The following PAX2 variants were observed in gnomAD, a reference collection of about 807,000 sequenced individuals.
PAX2 encodes paired box protein Pax-2.
A neutral mutation model predicts 41.7 loss-of-function variants in PAX2; 9 were observed. That is an observed-to-expected ratio of 0.22 (90% CI 0.13 to 0.38). PAX2 has a LOEUF of 0.38. Ranked by LOEUF, PAX2 falls within the 10% of genes least tolerant of loss-of-function variation. PAX2 has a pLI of 1.00. For missense variants in PAX2, 418 were observed against 531.6 expected, an observed-to-expected ratio of 0.79 and a Z score of 2.10; for synonymous variants, 221 against 212.7, an observed-to-expected ratio of 1.04 and a Z score of -0.34.
chr10:100,754,918 G>A lies in PAX2; in HGVS notation c.410+4027G>A, dbSNP rs1054983522. Among the ~76,000 whole-genome samples, 5 of 152,170 alleles carry A rather than the reference G, an allele frequency of 3.3e-5. No individual in the cohort carries two copies. In the East Asian group the frequency reaches 5.8e-4, roughly 18 times the overall value. On this transcript the variant is annotated intron_variant, in intron 3 of 9. Coordinates refer to ENST00000355243, the MANE Select transcript of PAX2 (RefSeq NM_000278.5). The stretch of plus-strand genomic sequence containing the variant: ...TGTTGGTCTCATGGCAAAGAGACAG[G>A]GCAAGTTGGAGAGTTCAGAAAAAGA...
intron 5 of PAX2, among the ~76,000 whole-genome samples, chr10:100,787,569 T>C (rs10883542): frequency 0.3 from 45,132 of 151,808 alleles, 8,701 homozygotes; most frequent in African/African-American, 0.54. Flanking sequence ...CCATGAATCT[T>C]CCTCACTGCT....
intron 1 of PAX2, among the ~76,000 whole-genome samples, chr10:100,739,777 C>G (rs1274474530): frequency 2.0e-5 from 3 of 152,218 alleles, no homozygotes; most frequent in East Asian, 3.9e-4. Flanking sequence ...CAGCCTGCAC[C>G]GTCTCCCTCG....
Position 100,748,309 on chromosome 10 carries a change from G to T in PAX2, c.44-1437G>T, listed in dbSNP as rs1019594882. On this transcript the variant is annotated intron_variant, in intron 1 of 9. Coordinates refer to ENST00000355243, the MANE Select transcript of PAX2 (RefSeq NM_000278.5). This position sits in a 1 kb window ranked among gnomAD's most constrained non-coding sequence, Gnocchi z 5.0. ...GAGGGAGGGGAGGGTGAGAAGTGGG[G>T]CTAGAGATAGGGAGATTAACGGGGT... 1 of 984,698 alleles carries T rather than the reference G, an allele frequency of 1.0e-6. No individual in the cohort carries two copies. The highest frequency in any genetic ancestry group is 1.2e-6 in the Non-Finnish European group (1 of 829,520). The allele number at this position is 984,698 out of a possible 1,614,324, so 61.0% of individuals were successfully genotyped here.
At position 100,781,290 on chromosome 10, in the gene PAX2, C is replaced by G; in HGVS notation, c.541C>G (p.Pro181Ala). The G allele has an allele frequency of 6.2e-7, 1 of 1,613,278 alleles. No homozygotes were observed. Among genetic ancestry groups the G allele is most frequent in the South Asian group, 1.1e-5 (1 of 91,058 alleles). ...SPPVSSASND[P>A]VGSYSINGIL... is the part of the protein sequence containing the mutation. The stretch of plus-strand genomic sequence containing the variant: ...TCCTGTTTCCAGCGCCTCCAATGAC[C>G]CAGTGGGATCCTACTCCATCAATGG... The change falls in exon 5 of 10, where the codon CCA (proline) becomes GCA (alanine). Residue 181 changes from proline (P) to alanine (A), a missense_variant. Physicochemically the swap from Pro to Ala is conservative, Grantham distance 27. Coordinates refer to ENST00000355243, the MANE Select transcript of PAX2 (RefSeq NM_000278.5).
chr10:100,796,697 T>C (rs1847351435), intron 5 of PAX2, among the ~76,000 whole-genome samples: 1 of 152,198 alleles, frequency 6.6e-6, no homozygotes, highest in South Asian at 2.1e-4. Flanking sequence ...CTTTCTTCAG[T>C]TCAGATTCTG....
At chr10:100,735,817 C>G in intron 1 of PAX2, 1 of 898,436 alleles carries the variant, frequency 1.1e-6, no homozygotes, top group Non-Finnish European at 1.4e-6. Context: ...GCGGGCTCCT[C>G]TCCTCTTTCA....
At chr10:100,760,138 A>G (rs1255167362) in intron 3 of PAX2, among the ~76,000 whole-genome samples, 1 of 152,090 alleles carries the variant, frequency 6.6e-6, no homozygotes, top group Non-Finnish European at 1.5e-5. Context: ...CTTTGGAAAG[A>G]CTATGTGTGC....
At chr10:100,737,542 G>C (rs960912993) in intron 1 of PAX2, among the ~76,000 whole-genome samples, 2 of 150,278 alleles carry the variant, frequency 1.3e-5, no homozygotes, top group Non-Finnish European at 2.9e-5. Context: ...CGGGAAAGGC[G>C]GGGGGGAGCT....
At chr10:100,755,118 G>T (rs1845583149) in intron 3 of PAX2, among the ~76,000 whole-genome samples, 1 of 152,194 alleles carries the variant, frequency 6.6e-6, no homozygotes, top group Non-Finnish European at 1.5e-5. Flanking sequence ...CCCATCATTG[G>T]AATAACATTT....
chr10:100,762,021 T>A (rs1390196154), intron 3 of PAX2, among the ~76,000 whole-genome samples: 2 of 152,022 alleles, frequency 1.3e-5, no homozygotes, highest in Non-Finnish European at 2.9e-5. Context: ...ACAAGCCTCC[T>A]CTGAAGCTAT....
chr10:100,738,476 C>A (rs574878758), intron 1 of PAX2, among the ~76,000 whole-genome samples: 2 of 152,288 alleles, frequency 1.3e-5, no homozygotes, highest in Non-Finnish European at 2.9e-5. Context: ...CTTCGCCACC[C>A]CCTGGCACTT....
At chr10:100,805,776 T>C (rs1168172512) in intron 5 of PAX2, among the ~76,000 whole-genome samples, 2 of 152,170 alleles carry the variant, frequency 1.3e-5, no homozygotes, top group Non-Finnish European at 2.9e-5. Context: ...GGCCCTTCTG[T>C]GGGCTCTGCC....
At chr10:100,822,391 C>A (rs937902762) in intron 7 of PAX2, among the ~76,000 whole-genome samples, 1 of 151,974 alleles carries the variant, frequency 6.6e-6, no homozygotes, top group African/African-American at 2.4e-5. Context: ...TTTAATGAGA[C>A]CAATATACAT....
chr10:100,795,777 G>C (rs1157547978), intron 5 of PAX2, among the ~76,000 whole-genome samples: 1 of 152,216 alleles, frequency 6.6e-6, no homozygotes, highest in Non-Finnish European at 1.5e-5. Flanking sequence ...GTGGACCTGG[G>C]AAAGTTCACT....
At chr10:100,795,775 G>A (rs1014528078) in intron 5 of PAX2, among the ~76,000 whole-genome samples, 11 of 152,192 alleles carry the variant, frequency 7.2e-5, no homozygotes, top group Admixed American at 2.0e-4. Context: ...GTGTGGACCT[G>A]GGAAAGTTCA....
intron 1 of PAX2, among the ~76,000 whole-genome samples, chr10:100,738,253 C>T (rs1284421800): frequency 2.0e-5 from 3 of 152,222 alleles, no homozygotes; most frequent in Non-Finnish European, 2.9e-5. Flanking sequence ...GATGCCTCGC[C>T]GCCCTCTTTT....
Position 100,760,958 on chromosome 10 carries a change from G to A in PAX2, c.410+10067G>A, listed in dbSNP as rs567953752. 4.6e-5 allele frequency among the ~76,000 whole-genome samples: 7 copies of A among 152,324 alleles called. No individual in the cohort carries two copies. In the East Asian group the frequency reaches 1.4e-3, roughly 29 times the overall value. ...GACTGTGACTGTCTGGAGTCTGGGA[G>A]AGCCAGAGAGAAGGAGGTGTGACTG... On this transcript the variant is annotated intron_variant, in intron 3 of 9. Coordinates refer to ENST00000355243, the MANE Select transcript of PAX2 (RefSeq NM_000278.5).
chr10:100,772,986 A>G (rs60336873), intron 3 of PAX2, among the ~76,000 whole-genome samples: 8,541 of 152,078 alleles, frequency 0.056, 649 homozygotes, highest in African/African-American at 0.17. Flanking sequence ...GTTCAGGGAA[A>G]CCTCTCACCC....
intron 7 of PAX2, among the ~76,000 whole-genome samples, chr10:100,823,547 G>A (rs1848438673): frequency 6.6e-6 from 1 of 152,156 alleles, no homozygotes; most frequent in South Asian, 2.1e-4. Flanking sequence ...GCATAGTTCT[G>A]TTACTTTCTC....
Sources: gnomAD v4.1 joint callset for allele counts (sites outside exome capture counted in the v4.1 genomes callset) on GRCh38, gnomAD v4.1.1 for gene constraint, Gnocchi (gnomAD v3.1) non-coding constraint, MANE v1.5 for transcripts, NCBI Gene and HGNC (gene_info 2026-07-23, HGNC 2026-07-21) for gene names.